Variants in PRDX3 observed in about 807,000 individuals in gnomAD.
PRDX3 encodes thioredoxin-dependent peroxide reductase, mitochondrial.
In PRDX3, 20 loss-of-function variants were observed where a neutral mutation model predicts 30.4. The observed-to-expected ratio is 0.66, with a 90% confidence interval of 0.46 to 0.96. The LOEUF (loss-of-function observed/expected upper bound fraction) is 0.96, where lower values mean the gene tolerates loss of function less well. PRDX3 is among the 40% of genes least tolerant of loss of function. The pLI, the probability that PRDX3 is intolerant of heterozygous loss-of-function variation, is 0.00. For missense variants in PRDX3, 322 were observed against 318.3 expected (o/e 1.01, Z -0.09); for synonymous variants, 124 against 117.8 (o/e 1.05, Z -0.34).
At chr10:119,172,518 T>C in intron 4 of PRDX3, 33 bp from the exon 5 acceptor site, 1 of 1,551,064 alleles carries the variant, frequency 6.4e-7, no homozygotes, top group East Asian at 2.2e-5. Context: ...TGTTAGAATG[T>C]GTGGCCTCAC....
rs35105949 is a variant in PRDX3 at position 119,178,274 on chromosome 10, A to G, written c.36+481T>C. Among the ~76,000 whole-genome samples the G allele has an allele frequency of 2.9e-3, 438 of 152,376 alleles. 6 individuals carry two copies. The highest frequency in any genetic ancestry group is 9.7e-3 in the African/African-American group (405 of 41,590). On this transcript the variant is annotated intron_variant, in intron 1 of 6. Transcript: ENST00000298510. Reference sequence around the variant, plus strand: ...GAGCACGACGCATTGCCCACAGTTAAGCAGGAAACAGCAGCAGAAACACGC... The same window carrying G: ...GAGCACGACGCATTGCCCACAGTTAGGCAGGAAACAGCAGCAGAAACACGC...
In PRDX3 at chr10:119,168,521, G is replaced by C. The variant is rs768037445; in HGVS notation, c.730C>G (p.Pro244Ala). ...TGAAAGTACTCTTTGGAAGCAGCTGGACTTGGCTTGATCTGAAAATACAAA... is the reference window on the plus strand; with the variant it reads ...TGAAAGTACTCTTTGGAAGCAGCTGCACTTGGCTTGATCTGAAAATACAAA... ...TPDSPTIKPSPAASKEYFQKV... is the reference protein window; with the variant it reads ...TPDSPTIKPSAAASKEYFQKV... The change falls in exon 7 of 7, where the codon CCA (proline) becomes GCA (alanine). Residue 244 changes from proline to alanine, a missense_variant. Physicochemically the swap from Pro to Ala is conservative, Grantham distance 27. Transcript: ENST00000298510. The C allele has an allele frequency of 8.7e-6, 14 of 1,613,712 alleles. No individual in the cohort carries two copies. Among genetic ancestry groups the C allele is most frequent in the Non-Finnish European group, 1.2e-5 (14 of 1,179,994 alleles).
In PRDX3 at chr10:119,174,617, G is replaced by A. The variant is rs763539915; in HGVS notation, c.170-25C>T. ...CCTGAAAAAAAACCCACACTCATAT[G>A]GAGTTCATCATTTGCTATGTCAAGC... On this transcript the variant is annotated intron_variant, in intron 2 of 6. Coordinates refer to ENST00000298510, the MANE Select transcript of PRDX3 (RefSeq NM_006793.5). The A allele has an allele frequency of 2.6e-6, 4 of 1,552,688 alleles. No individual in the cohort carries two copies. The African/African-American group carries it at 5.6e-5, about 22-fold the overall frequency.
chr10:119,175,356 AAC>A (rs1341181213), intron 2 of PRDX3, among the ~76,000 whole-genome samples: 1 of 152,186 alleles, frequency 6.6e-6, no homozygotes, highest in Non-Finnish European at 1.5e-5. Context: ...GCCATGTTGC[AAC>A]AGTCCTTAAA....
At chr10:119,171,787 A>G (rs1248610810) in intron 5 of PRDX3, among the ~76,000 whole-genome samples, 1 of 152,230 alleles carries the variant, frequency 6.6e-6, no homozygotes, top group Non-Finnish European at 1.5e-5. Context: ...ACAGCTATTA[A>G]GTAGCTGAGT....
chr10:119,171,438 G>A (rs1011615603), intron 5 of PRDX3, among the ~76,000 whole-genome samples: 3 of 152,184 alleles, frequency 2.0e-5, no homozygotes, highest in Admixed American at 2.0e-4. Context: ...GTCAAGTTCT[G>A]CCCTATCCCT....
Position 119,168,288 on chromosome 10 carries a change from T to C in PRDX3, c.*192A>G, listed in dbSNP as rs955842629. The C allele has an allele frequency of 1.7e-6, 2 of 1,181,134 alleles. No homozygotes were observed. Among genetic ancestry groups the C allele is most frequent in the South Asian group, 1.7e-5 (1 of 59,572 alleles). The allele number at this position is 1,181,134 out of a possible 1,614,324, so 73.2% of individuals were successfully genotyped here. On this transcript the variant is annotated 3_prime_UTR_variant, in exon 7 of 7. Coordinates refer to ENST00000298510, the MANE Select transcript of PRDX3 (RefSeq NM_006793.5). ...CAAGATGTTACCAATAAAGGATTCC[T>C]TGTACTAGCAACTAACCATGTTTAA... is the stretch of plus-strand genomic sequence containing the variant.
At position 119,174,523 on chromosome 10, in the gene PRDX3, C is replaced by A. The variant is rs764930335; in HGVS notation, c.239G>T (p.Gly80Val). 1 of 1,613,062 alleles carries A rather than the reference C, an allele frequency of 6.2e-7. No individual in the cohort carries two copies. Among genetic ancestry groups the A allele is most frequent in the Non-Finnish European group, 8.5e-7 (1 of 1,179,630 alleles). The change falls in exon 3 of 7, where the codon GGA becomes GTA. Residue 80 changes from glycine to valine, a missense_variant. Physicochemically the swap from Gly to Val is moderately radical, Grantham distance 109. Coordinates refer to ENST00000298510, the MANE Select transcript of PRDX3 (RefSeq NM_006793.5). ...ATCAAGGCTTAGGTCTTTGAACTCT[C>A]CATTGACAACGGCTGTACCCTTAAA... ...PYFKGTAVVN[G>V]EFKDLSLDDF...
chr10:119,168,359 T>C lies in PRDX3; in HGVS notation c.*121A>G, dbSNP rs887167675. 1.2e-5 allele frequency: 18 copies of C among 1,532,000 alleles called. No homozygotes were observed. Among genetic ancestry groups the C allele is most frequent in the Non-Finnish European group, 1.6e-5 (18 of 1,147,126 alleles). The allele number at this position is 1,532,000 out of a possible 1,614,324, so 94.9% of individuals were successfully genotyped here. ...AAAAACAAAACATTTAGAGTAATAC[T>C]TATGAATACAAGCATAATTGGTTCC... On this transcript the variant is annotated 3_prime_UTR_variant, in exon 7 of 7. Transcript: ENST00000298510.
chr10:119,172,362 C>A lies in PRDX3; in HGVS notation c.551+20G>T, dbSNP rs1847924868. On this transcript the variant is annotated intron_variant, in intron 5 of 6. Coordinates refer to ENST00000298510, the MANE Select transcript of PRDX3 (RefSeq NM_006793.5). ...TAAACATGAAAAATAATCTTAAGTT[C>A]ATCAGAAACAGGATCTTACCTTAGT... is the stretch of plus-strand genomic sequence containing the variant. The A allele has an allele frequency of 6.4e-7, 1 of 1,554,818 alleles. No homozygotes were observed. Among genetic ancestry groups the A allele is most frequent in the East Asian group, 2.2e-5 (1 of 44,642 alleles).
chr10:119,173,842 A>G lies in PRDX3; in HGVS notation c.342T>C (p.Ala114=). 1 of 1,611,774 alleles carries G rather than the reference A, an allele frequency of 6.2e-7. No individual in the cohort carries two copies. Among genetic ancestry groups the G allele is most frequent in the African/African-American group, 1.3e-5 (1 of 75,034 alleles). Residue 114 remains alanine (A), a synonymous_variant, in exon 4 of 7, where the codon GCT becomes GCC. Transcript: ENST00000298510. ...GAAATTCGTTAGCTTTGTCACTAAA[A>G]GCAACAATTTCTGTAGGACACACAA... ...FTFVCPTEIV[A]FSDKANEFHD...
intron 2 of PRDX3, among the ~76,000 whole-genome samples, chr10:119,175,841 T>C (rs1848014578): frequency 6.7e-6 from 1 of 148,836 alleles, no homozygotes; most frequent in Non-Finnish European, 1.5e-5. Context: ...TGTAGTGGCA[T>C]GGTCTCGGCT....
chr10:119,173,821 T>G lies in PRDX3; in HGVS notation c.363A>C (p.Glu121Asp). ...EIVAFSDKAN[E>D]FHDVNCEVVA... The stretch of plus-strand genomic sequence containing the variant: ...CAACTTCACAGTTCACGTCGTGAAA[T>G]TCGTTAGCTTTGTCACTAAAAGCAA... Residue 121 changes from glutamate (E) to aspartate (D), a missense_variant, in exon 4 of 7, where the codon GAA becomes GAC. Physicochemically the swap from Glu to Asp is conservative, Grantham distance 45. Transcript: ENST00000298510. 6.2e-7 allele frequency: 1 copy of G among 1,612,248 alleles called. No individual in the cohort carries two copies. Among genetic ancestry groups the G allele is most frequent in the Non-Finnish European group, 8.5e-7 (1 of 1,178,758 alleles).
intron 2 of PRDX3, 72 bp downstream of exon 2, chr10:119,176,949 G>A: frequency 6.3e-7 from 1 of 1,583,410 alleles, no homozygotes; most frequent in Non-Finnish European, 8.6e-7. Flanking sequence ...CCAGGGTTCA[G>A]AGCCCCTGTC....
chr10:119,176,966 C>A, intron 2 of PRDX3, 55 bp downstream of exon 2: 1 of 1,608,312 alleles, frequency 6.2e-7, no homozygotes, highest in Admixed American at 1.7e-5. Context: ...TGTCCAGAGA[C>A]GATGGTTCAT....
chr10:119,172,319 T>C, intron 5 of PRDX3, 63 bp downstream of exon 5: 2 of 1,380,950 alleles, frequency 1.4e-6, no homozygotes. Flanking sequence ...ATAAATCCCC[T>C]AAGAAGCAGA....
In PRDX3 at chr10:119,177,140, A is replaced by G. The variant is rs1278956954; in HGVS notation, c.50T>C (p.Val17Ala). The stretch of plus-strand genomic sequence containing the variant: ...AGAAATGCCCCAAGGAATGGCACTC[A>G]CATGTCGGGCAACCTGGAAAGAGAA... ...RLLRASVARH[V>A]SAIPWGISAT... The change falls in exon 2 of 7, where the codon GTG becomes GCG. Residue 17 changes from valine (V) to alanine (A), a missense_variant. Physicochemically the swap from Val to Ala is moderately conservative, Grantham distance 64. Coordinates refer to ENST00000298510, the MANE Select transcript of PRDX3 (RefSeq NM_006793.5). 13 of 1,613,118 alleles carry G rather than the reference A, an allele frequency of 8.1e-6. No homozygotes were observed. Among genetic ancestry groups the G allele is most frequent in the Admixed American group, 5.0e-5 (3 of 60,008 alleles).
At position 119,168,096 on chromosome 10, in the gene PRDX3, A is replaced by C. The variant is rs991821649; in HGVS notation, c.*384T>G. ...TTTAATACAAAGACATTCAAGATGA[A>C]AATTTCAGGACCGTTGATCAGAAGC... On this transcript the variant is annotated 3_prime_UTR_variant, in exon 7 of 7. Coordinates refer to ENST00000298510, the MANE Select transcript of PRDX3 (RefSeq NM_006793.5). The C allele has an allele frequency of 2.3e-5, 4 of 171,346 alleles. 1 individual carries two copies. Among genetic ancestry groups the C allele is most frequent in the African/African-American group, 9.5e-5 (4 of 41,900 alleles). 10.6% of individuals were successfully genotyped at this position (171,346 alleles called of 1,614,324 possible). A position where few individuals can be genotyped will look rare whatever the true frequency, so the allele number is the denominator to read the frequency against.
rs368690208 is a variant in PRDX3, at chr10:119,174,622, T to G, written c.170-30A>C. The G allele has an allele frequency of 2.8e-5, 43 of 1,547,426 alleles. 1 individual carries two copies. The African/African-American group carries it at 4.4e-4, about 16-fold the overall frequency. ...AAAAAAACCCACACTCATATGGAGT[T>G]CATCATTTGCTATGTCAAGCACCTA... On this transcript the variant is annotated intron_variant, in intron 2 of 6. Transcript: ENST00000298510.
Sources: allele counts gnomAD v4.1 joint callset (sites outside exome capture counted in the v4.1 genomes callset), GRCh38; gene constraint gnomAD v4.1.1; transcripts MANE v1.5; gene names NCBI Gene and HGNC (gene_info 2026-07-23, HGNC 2026-07-21).